SGCD: variants seen among roughly 807,000 people sequenced by gnomAD.
SGCD encodes the protein sarcoglycan delta.
A neutral mutation model predicts 36.6 loss-of-function variants in SGCD; 18 were observed. The ratio of observed to expected loss-of-function variants is 0.49; its 90% CI spans 0.34 to 0.73. The LOEUF (loss-of-function observed/expected upper bound fraction) is 0.73. Among genes scored for constraint, SGCD ranks in the 30% least tolerant of loss-of-function variants. SGCD has a pLI of 0.01. For missense variants in SGCD, 387 were observed against 346.7 expected, an observed-to-expected ratio of 1.12 and a Z score of -0.92; for synonymous variants, 133 against 130.6, an observed-to-expected ratio of 1.02 and a Z score of -0.12.
intron 2 of SGCD, among the ~76,000 whole-genome samples, chr5:156,122,836 G>A (rs2311297): frequency 4.2e-5 from 3 of 71,422 alleles, no homozygotes; most frequent in South Asian, 5.6e-4. Flanking sequence ...GGTAGTAAAA[G>A]ATGTGGTAAA....
chr5:155,859,121 G>A, the SGCD span, among the ~76,000 whole-genome samples: 1 of 151,910 alleles, frequency 6.6e-6, no homozygotes, highest in Non-Finnish European at 1.5e-5. Flanking sequence ...GAGTGCAGTG[G>A]CATGATCATG....
At chr5:156,671,912 G>T (rs1753311531) in intron 7 of SGCD, among the ~76,000 whole-genome samples, 1 of 152,046 alleles carries the variant, frequency 6.6e-6, no homozygotes, top group South Asian at 2.1e-4. Flanking sequence ...ATAAGAAAGA[G>T]ACACCGGGCT....
rs9313782 is a variant in SGCD, at chr5:156,041,318, G to C, written c.-281-76560G>C. Among the ~76,000 whole-genome samples, 360 of 152,284 alleles carry C rather than the reference G, an allele frequency of 2.4e-3. 3 individuals carry two copies. The highest frequency in any genetic ancestry group is 8.5e-3 in the African/African-American group (352 of 41,566). ...GTTGATTGCCTTGTACTTCGGTCCAGTTCCTTCCTTACTGGGAAGATTATC... is the reference window on the plus strand; with the variant it reads ...GTTGATTGCCTTGTACTTCGGTCCACTTCCTTCCTTACTGGGAAGATTATC... On this transcript the variant is annotated intron_variant, in intron 1 of 9. Transcript: ENST00000517913.
At chr5:156,633,611 A>G (rs908495222) in intron 6 of SGCD, among the ~76,000 whole-genome samples, 2 of 152,222 alleles carry the variant, frequency 1.3e-5, no homozygotes, top group African/African-American at 4.8e-5. Flanking sequence ...AGCATGAAGT[A>G]TGTTAACTCA....
chr5:155,861,731 TA>T, the SGCD span, among the ~76,000 whole-genome samples: 1 of 151,862 alleles, frequency 6.6e-6, no homozygotes, highest in Non-Finnish European at 1.5e-5. Context: ...AATAAATAAA[TA>T]AAAAAGAAAG....
At chr5:156,455,549 G>T (rs1754222190) in intron 3 of SGCD, among the ~76,000 whole-genome samples, 1 of 151,826 alleles carries the variant, frequency 6.6e-6, no homozygotes, top group South Asian at 2.1e-4. Flanking sequence ...CATGACAGGG[G>T]CATTTTTGGA....
chr5:155,896,680 AAAAAT>A lies in SGCD; in HGVS notation c.-282+26262_-282+26266del, dbSNP rs560400052. ...AAAGACAATAATAACAATTTTATAA[AAAAAT>A]AAAATTAAAAGTAGGAGATGGAATA... On this transcript the variant is annotated intron_variant, in intron 1 of 9. Transcript: ENST00000517913. Among the ~76,000 whole-genome samples, 209 of 152,186 alleles carry A rather than the reference AAAAAT, an allele frequency of 1.4e-3. 1 individual carries two copies. Among genetic ancestry groups the A allele is most frequent in the East Asian group, 2.3e-3 (12 of 5,178 alleles).
intron 3 of SGCD, among the ~76,000 whole-genome samples, chr5:156,185,876 G>T (rs1314372808): frequency 4.1e-5 from 1 of 24,682 alleles, no homozygotes; most frequent in Non-Finnish European, 1.0e-4. Flanking sequence ...GAGAGAGAGA[G>T]AGAGAGAGAG....
intron 1 of SGCD, among the ~76,000 whole-genome samples, chr5:155,892,285 G>A (rs186193020): frequency 5.9e-5 from 9 of 151,882 alleles, no homozygotes; most frequent in Non-Finnish European, 1.3e-4. Flanking sequence ...GTGAAACCCC[G>A]TCTCTACTAA....
chr5:156,191,914 G>GAAAAGC (rs1291127208), intron 3 of SGCD, among the ~76,000 whole-genome samples: 1 of 152,038 alleles, frequency 6.6e-6, no homozygotes. Context: ...GAAAACTGTT[G>GAAAAGC]AAAAGCAAAA....
intron 2 of SGCD, among the ~76,000 whole-genome samples, chr5:156,337,223 C>T (rs1235743866): frequency 6.6e-6 from 1 of 152,106 alleles, no homozygotes; most frequent in Admixed American, 6.5e-5. Flanking sequence ...CTGTAATGAG[C>T]CTTTGAGGGA....
chr5:155,876,816 CT>C (rs1755777908), intron 1 of SGCD, among the ~76,000 whole-genome samples: 1 of 152,058 alleles, frequency 6.6e-6, no homozygotes, highest in South Asian at 2.1e-4. Context: ...GATATTCTGC[CT>C]TTATTTTATG....
At chr5:156,178,540 A>AT (rs1198118384) in intron 3 of SGCD, among the ~76,000 whole-genome samples, 1 of 152,206 alleles carries the variant, frequency 6.6e-6, no homozygotes, top group Non-Finnish European at 1.5e-5. Context: ...CATATTACAC[A>AT]TGCTTTCAAT....
the SGCD span, among the ~76,000 whole-genome samples, chr5:155,794,773 G>A: frequency 7.5e-4 from 114 of 152,134 alleles, no homozygotes; most frequent in Non-Finnish European, 1.3e-3. Context: ...AGGTCTAATG[G>A]CTATGAATGA....
intron 3 of SGCD, among the ~76,000 whole-genome samples, chr5:156,268,573 TCC>T (rs2127668461): frequency 1.1e-5 from 1 of 93,994 alleles, no homozygotes; most frequent in African/African-American, 3.3e-5. Flanking sequence ...GCTCCTTCCT[TCC>T]TTCCTTCCTT....
intron 3 of SGCD, among the ~76,000 whole-genome samples, chr5:156,290,962 A>G (rs1348254972): frequency 1.3e-5 from 2 of 152,116 alleles, no homozygotes; most frequent in South Asian, 4.1e-4. Flanking sequence ...CTCAGTATCA[A>G]TAAGATAATA....
intron 3 of SGCD, among the ~76,000 whole-genome samples, chr5:156,280,873 C>T (rs1458760113): frequency 6.6e-6 from 1 of 152,150 alleles, no homozygotes; most frequent in East Asian, 1.9e-4. Flanking sequence ...AGTTTTCCCA[C>T]TGCATTGTAT....
intron 3 of SGCD, among the ~76,000 whole-genome samples, chr5:156,301,665 T>C (rs2127684682): frequency 6.6e-6 from 1 of 152,252 alleles, no homozygotes; most frequent in South Asian, 2.1e-4. Flanking sequence ...ATTGAAGAAC[T>C]CTCTTTAGCC....
intron 3 of SGCD, chr5:156,458,535 G>T: frequency 7.1e-7 from 1 of 1,412,422 alleles, no homozygotes; most frequent in Non-Finnish European, 1.0e-6. Flanking sequence ...AGACACACCA[G>T]TGATTCTTTC....
Sources: gnomAD v4.1 joint callset for allele counts (sites outside exome capture counted in the v4.1 genomes callset) on GRCh38, gnomAD v4.1.1 for gene constraint, MANE v1.5 for transcripts, NCBI Gene and HGNC (gene_info 2026-07-23, HGNC 2026-07-21) for gene names.